The following LDHB variants were observed in gnomAD, a reference collection of about 807,000 sequenced individuals.
The protein encoded by LDHB is lactate dehydrogenase B, also known as L-lactate dehydrogenase B chain.
A neutral mutation model predicts 33.4 loss-of-function variants in LDHB; 18 were observed. The ratio of observed to expected loss-of-function variants is 0.54; its 90% CI spans 0.37 to 0.80. LDHB has a LOEUF of 0.80. Ranked by LOEUF, LDHB falls within the 30% of genes least tolerant of loss-of-function variation. The pLI is 0.00. For missense variants in LDHB, 345 were observed against 407.9 expected, an observed-to-expected ratio of 0.85 and a Z score of 1.33; for synonymous variants, 121 against 140.6, an observed-to-expected ratio of 0.86 and a Z score of 0.98.
At chr12:21,643,650 T>C (rs1189247932) in intron 4 of LDHB, 8 of 399,568 alleles carry the variant, frequency 2.0e-5, no homozygotes, top group Non-Finnish European at 3.2e-5. Flanking sequence ...CATCCCAGGA[T>C]AATCTTTATA....
chr12:21,645,926 C>T (rs1036527678), intron 3 of LDHB, among the ~76,000 whole-genome samples: 1 of 152,180 alleles, frequency 6.6e-6, no homozygotes, highest in Non-Finnish European at 1.5e-5. Context: ...GCAGGCCACC[C>T]CTTCATTGTA....
rs1555165060 is a variant in LDHB at position 21,644,446 on chromosome 12, C to CAAACAAA, written c.248-339_248-338insTTTGTTT. Among the ~76,000 whole-genome samples, 22 of 108,846 alleles carry CAAACAAA rather than the reference C, an allele frequency of 2.0e-4. 1 individual carries two copies. The highest frequency in any genetic ancestry group is 1.7e-4 in the Non-Finnish European group (9 of 53,882). The allele number at this position is 108,846 out of a possible 152,430, so 71.4% of individuals were successfully genotyped here. A position where few individuals can be genotyped will look rare whatever the true frequency, so the allele number is the denominator to read the frequency against. On this transcript the variant is annotated intron_variant, in intron 3 of 7. Transcript: ENST00000350669. ...CATCAAAAAAAAAAAAAAAAAAAAACAAAAACAAAAACCAATTTTAAGTTA... is the reference window on the plus strand; with the variant it reads ...CATCAAAAAAAAAAAAAAAAAAAAACAAACAAAAAAAACAAAAACCAATTTTAAGTTA...
At chr12:21,657,140 C>T (rs1938873501) in intron 1 of LDHB, 1 of 152,134 alleles carries the variant, frequency 6.6e-6, no homozygotes, top group African/African-American at 2.4e-5. Flanking sequence ...TCGGAGCACC[C>T]AAGGCTGGTA....
intron 1 of LDHB, among the ~76,000 whole-genome samples, chr12:21,654,954 C>T (rs957150393): frequency 1.3e-5 from 2 of 151,706 alleles, no homozygotes; most frequent in African/African-American, 4.8e-5. Context: ...AACCCCGTCT[C>T]TACTAAAAAA....
chr12:21,651,185 T>C (rs1199910583), intron 2 of LDHB, among the ~76,000 whole-genome samples: 1 of 152,174 alleles, frequency 6.6e-6, no homozygotes, highest in East Asian at 1.9e-4. Flanking sequence ...TCTGCTGCCT[T>C]GGTGTGTATG....
intron 2 of LDHB, among the ~76,000 whole-genome samples, chr12:21,648,038 G>A (rs1565629018): frequency 6.6e-6 from 1 of 151,348 alleles, no homozygotes. Flanking sequence ...TGAAAGAAAG[G>A]AAAAAAAAAA....
Position 21,635,415 on chromosome 12 carries a change from C to G in LDHB, c.*127G>C. On this transcript the variant is annotated 3_prime_UTR_variant, in exon 8 of 8. Transcript: ENST00000350669. ...ATTAAACCAAGCATAGGCTTTGATT[C>G]TGTGAGCCCAAATTCACATATTGAA... The G allele has an allele frequency of 2.5e-6, 2 of 810,330 alleles. No individual in the cohort carries two copies. Among genetic ancestry groups the G allele is most frequent in the Non-Finnish European group, 4.3e-6 (2 of 464,648 alleles). The allele number at this position is 810,330 out of a possible 1,614,324, so 50.2% of individuals were successfully genotyped here. A position where few individuals can be genotyped will look rare whatever the true frequency, so the allele number is the denominator to read the frequency against.
At chr12:21,642,266 T>A in intron 4 of LDHB, 141 bp from the exon 5 acceptor site, 1 of 654,184 alleles carries the variant, frequency 1.5e-6, no homozygotes, top group Non-Finnish European at 2.7e-6. Context: ...GTAAATACTT[T>A]AACTTTTCAT....
chr12:21,653,335 C>T (rs368087910), intron 2 of LDHB, among the ~76,000 whole-genome samples: 2 of 152,134 alleles, frequency 1.3e-5, no homozygotes, highest in African/African-American at 4.8e-5. Flanking sequence ...GTCCCCAACA[C>T]CCAGGTCACG....
intron 2 of LDHB, among the ~76,000 whole-genome samples, chr12:21,650,151 C>CACACATAT (rs142403823): frequency 6.1e-4 from 20 of 32,758 alleles, no homozygotes; most frequent in African/African-American, 1.6e-3. Context: ...CACACACACA[C>CACACATAT]GTCTCTCTCT....
intron 5 of LDHB, among the ~76,000 whole-genome samples, chr12:21,638,878 A>T (rs1938287546): frequency 6.6e-6 from 1 of 151,998 alleles, no homozygotes; most frequent in South Asian, 2.1e-4. Context: ...AAAGAAAAAA[A>T]ATCCTAGAAT....
chr12:21,656,553 A>C (rs1938850383), intron 1 of LDHB, among the ~76,000 whole-genome samples: 1 of 152,264 alleles, frequency 6.6e-6, no homozygotes, highest in Non-Finnish European at 1.5e-5. Flanking sequence ...GTGGAAAATG[A>C]AAATGAAGAA....
At chr12:21,642,812 C>T (rs1938409108) in intron 4 of LDHB, among the ~76,000 whole-genome samples, 1 of 152,082 alleles carries the variant, frequency 6.6e-6, no homozygotes, top group African/African-American at 2.4e-5. Flanking sequence ...AGCCTCCACC[C>T]CCACACTAAT....
intron 4 of LDHB, 121 bp downstream of exon 4, chr12:21,643,814 G>C: frequency 1.3e-6 from 1 of 783,082 alleles, no homozygotes. Context: ...GCCAATGAAA[G>C]AAGACATGTA....
chr12:21,641,839 G>T, intron 5 of LDHB, 113 bp downstream of exon 5: 1 of 861,528 alleles, frequency 1.2e-6, no homozygotes, highest in Non-Finnish European at 1.8e-6. Flanking sequence ...TACTATTTTT[G>T]CAACTGTTCT....
chr12:21,645,894 A>C (rs776023095), intron 3 of LDHB, among the ~76,000 whole-genome samples: 75 of 152,128 alleles, frequency 4.9e-4, no homozygotes, highest in Non-Finnish European at 9.3e-4. Flanking sequence ...ACCCGACGAG[A>C]AATGCCCACA....
chr12:21,650,174 T>C (rs992514516), intron 2 of LDHB, among the ~76,000 whole-genome samples: 8 of 151,342 alleles, frequency 5.3e-5, no homozygotes, highest in Admixed American at 1.3e-4. Context: ...AAGTGTTTAG[T>C]ATGCATAAAA....
chr12:21,640,300 A>C (rs1049366353), intron 5 of LDHB, among the ~76,000 whole-genome samples: 1 of 150,572 alleles, frequency 6.6e-6, no homozygotes, highest in Non-Finnish European at 1.5e-5. Flanking sequence ...TATTAATTTA[A>C]AATAAAACAT....
In LDHB at chr12:21,657,791, C is replaced by G. The variant is rs2136989555; in HGVS notation, c.-47G>C. The G allele has an allele frequency of 6.6e-6, 1 of 152,486 alleles. No individual in the cohort carries two copies. Among genetic ancestry groups the G allele is most frequent in the East Asian group, 1.9e-4 (1 of 5,186 alleles). 9.4% of individuals were successfully genotyped at this position (152,486 alleles called of 1,614,324 possible). ...TCTGGAGACCTCTGTAACAGTCGTG[C>G]GGAGAAGACAAAGTCAGCTGCGTGC... On this transcript the variant is annotated 5_prime_UTR_variant, in exon 1 of 8. Coordinates refer to ENST00000350669, the MANE Select transcript of LDHB (RefSeq NM_002300.8).
Sources: allele counts gnomAD v4.1 joint callset (sites outside exome capture counted in the v4.1 genomes callset), GRCh38; gene constraint gnomAD v4.1.1; transcripts MANE v1.5; gene names NCBI Gene and HGNC (gene_info 2026-07-23, HGNC 2026-07-21).